The following ATP6V1H variants were observed in gnomAD, a reference collection of about 807,000 sequenced individuals.
ATP6V1H encodes the protein ATPase H+ transporting V1 subunit H, also known as V-type proton ATPase subunit H.
In ATP6V1H, 39 loss-of-function variants were observed where a neutral mutation model predicts 71.7. The observed-to-expected ratio is 0.54, with a 90% confidence interval of 0.42 to 0.71. The LOEUF is 0.71. ATP6V1H is among the 30% of genes least tolerant of loss of function. ATP6V1H has a pLI of 0.00. For missense variants in ATP6V1H, 509 were observed against 594.9 expected, an observed-to-expected ratio of 0.86 and a Z score of 1.50; for synonymous variants, 192 against 199.3, an observed-to-expected ratio of 0.96 and a Z score of 0.31.
intron 12 of ATP6V1H, among the ~76,000 whole-genome samples, chr8:53,748,052 G>A (rs1334750339): frequency 4.2e-4 from 64 of 152,028 alleles, no homozygotes; most frequent in Non-Finnish European, 7.4e-5. Context: ...CAGCTACTCA[G>A]GAGGCTGAGG....
intron 7 of ATP6V1H, chr8:53,806,977 G>T: frequency 2.6e-6 from 1 of 379,218 alleles, no homozygotes; most frequent in Non-Finnish European, 5.4e-6. Context: ...CGTAGGGCAG[G>T]GACTGTCTGT....
rs1811058915 is a variant in ATP6V1H at position 53,833,079 on chromosome 8, T to C, written c.121A>G (p.Met41Val). The C allele has an allele frequency of 6.2e-7, 1 of 1,612,438 alleles. No individual in the cohort carries two copies. The highest frequency in any genetic ancestry group is 8.5e-7 in the Non-Finnish European group (1 of 1,178,680). ...VNWQSYLQGQ[M>V]ISAEDCEFIQ... ...AACTCACAATCTTCAGCAGAAATCA[T>C]CTGTCCCCTAGAAAGTAAGAATAAG... The change falls in exon 3 of 14, where the codon ATG (methionine) becomes GTG (valine). Residue 41 changes from methionine to valine, a missense_variant. Physicochemically the swap from Met to Val is conservative, Grantham distance 21. Transcript: ENST00000359530.
intron 9 of ATP6V1H, among the ~76,000 whole-genome samples, chr8:53,781,825 A>G (rs1809146659): frequency 6.6e-6 from 1 of 152,010 alleles, no homozygotes; most frequent in African/African-American, 2.4e-5. Flanking sequence ...TGTTTTTGTC[A>G]GGTTTGTCAA....
In ATP6V1H at chr8:53,782,448, C is replaced by T. The variant is rs1021646042; in HGVS notation, c.871-10281G>A. Among the ~76,000 whole-genome samples the T allele has an allele frequency of 2.2e-3, 330 of 151,924 alleles. 1 individual carries two copies. The highest frequency in any genetic ancestry group is 6.3e-3 in the African/African-American group (260 of 41,422). Reference sequence around the variant, plus strand: ...AGCTTAAGGAGATTTTGGGCTGAGACAATGGGGTTTTCTAGATATACAATC... The same window carrying T: ...AGCTTAAGGAGATTTTGGGCTGAGATAATGGGGTTTTCTAGATATACAATC... On this transcript the variant is annotated intron_variant, in intron 9 of 13. Coordinates refer to ENST00000359530, the MANE Select transcript of ATP6V1H (RefSeq NM_015941.4).
At chr8:53,769,501 G>T in intron 11 of ATP6V1H, 117 bp downstream of exon 11, 1 of 1,066,080 alleles carries the variant, frequency 9.4e-7, no homozygotes, top group Non-Finnish European at 1.3e-6. Context: ...ACATTAGTCA[G>T]CAAGAAAATA....
chr8:53,826,623 T>C (rs1352144957), intron 4 of ATP6V1H, among the ~76,000 whole-genome samples: 5 of 149,818 alleles, frequency 3.3e-5, no homozygotes, highest in African/African-American at 7.5e-5. Flanking sequence ...TGTCTGCCTG[T>C]CTATGTTCAC....
At chr8:53,833,199 C>T (rs1167741886) in intron 2 of ATP6V1H, 113 bp from the exon 3 acceptor site, 23 of 727,628 alleles carry the variant, frequency 3.2e-5, no homozygotes, top group South Asian at 2.6e-4. Context: ...CAAGGGCTGA[C>T]GCAAGGGCCC....
chr8:53,759,101 T>A (rs1260878363), intron 11 of ATP6V1H, among the ~76,000 whole-genome samples: 2 of 152,214 alleles, frequency 1.3e-5, no homozygotes, highest in African/African-American at 4.8e-5. Context: ...TGAATTAGAA[T>A]CTGCATTTTA....
At chr8:53,745,914 T>C (rs958544890) in intron 12 of ATP6V1H, among the ~76,000 whole-genome samples, 1 of 152,220 alleles carries the variant, frequency 6.6e-6, no homozygotes, top group Admixed American at 6.5e-5. Flanking sequence ...GCCTCTAGTA[T>C]TGACACAGCT....
intron 7 of ATP6V1H, among the ~76,000 whole-genome samples, chr8:53,810,719 G>A (rs900149946): frequency 6.6e-6 from 1 of 152,152 alleles, no homozygotes; most frequent in Non-Finnish European, 1.5e-5. Flanking sequence ...CAGCCTGGGG[G>A]ATAGAGCTAG....
Position 53,794,566 on chromosome 8 carries a change from G to A in ATP6V1H, c.870+1081C>T, listed in dbSNP as rs372904027. 1.2e-4 allele frequency among the ~76,000 whole-genome samples: 19 copies of A among 152,160 alleles called. No individual in the cohort carries two copies. In the South Asian group the frequency reaches 3.9e-3, roughly 32 times the overall value. ...TTTTTAGTAGGGACGGGGTTTCACT[G>A]TGTTGGCCAGGATGGTCTCGATCTC... is the stretch of plus-strand genomic sequence containing the variant. On this transcript the variant is annotated intron_variant, in intron 9 of 13. Transcript: ENST00000359530.
At chr8:53,799,968 T>A (rs1049470439) in intron 8 of ATP6V1H, among the ~76,000 whole-genome samples, 3 of 152,222 alleles carry the variant, frequency 2.0e-5, no homozygotes, top group Non-Finnish European at 4.4e-5. Flanking sequence ...CAGTATTTTG[T>A]TAAAGCAGCC....
chr8:53,743,738 TCA>T (rs755251595), intron 12 of ATP6V1H, 48 bp from the exon 13 acceptor site: 59 of 1,378,552 alleles, frequency 4.3e-5, no homozygotes, highest in South Asian at 2.0e-4. Flanking sequence ...ACTCTCAAAT[TCA>T]CAGTTTGTAA....
Position 53,743,695 on chromosome 8 carries a change from A to C in ATP6V1H, c.1278-5T>G. On this transcript the variant is annotated splice_polypyrimidine_tract_variant and splice_region_variant and intron_variant, in intron 12 of 13. Coordinates refer to ENST00000359530, the MANE Select transcript of ATP6V1H (RefSeq NM_015941.4). ...CCACCGAGCTGCTCGATGACCCTGC[A>C]AACGGGAGAGACGTGGTGAGGAAGA... The C allele has an allele frequency of 3.1e-6, 5 of 1,600,462 alleles. No homozygotes were observed. The highest frequency in any genetic ancestry group is 3.4e-6 in the Non-Finnish European group (4 of 1,169,756).
intron 4 of ATP6V1H, among the ~76,000 whole-genome samples, chr8:53,819,531 CA>C (rs1286824275): frequency 0.029 from 612 of 20,824 alleles, 13 homozygotes; most frequent in African/African-American, 0.048. Flanking sequence ...GAATCTATCT[CA>C]AAAAAAAAAA....
At chr8:53,755,687 TATATATATATA>T (rs1807991926) in intron 12 of ATP6V1H, among the ~76,000 whole-genome samples, 80 of 3,020 alleles carry the variant, frequency 0.026, 7 homozygotes, top group African/African-American at 0.033. Context: ...CCAGCGTACA[TATATATATATA>T]TATATATATA....
At position 53,812,276 on chromosome 8, in the gene ATP6V1H, C is replaced by T. The variant is rs150599168; in HGVS notation, c.526-1059G>A. Among the ~76,000 whole-genome samples, 341 of 152,194 alleles carry T rather than the reference C, an allele frequency of 2.2e-3. 2 individuals are homozygous for T. The highest frequency in any genetic ancestry group is 7.9e-3 in the African/African-American group (328 of 41,516). On this transcript the variant is annotated intron_variant, in intron 6 of 13. Coordinates refer to ENST00000359530, the MANE Select transcript of ATP6V1H (RefSeq NM_015941.4). ...CAGAAGGACCCGCAAAGCAGAGGCA[C>T]TGCACAATTTAAAGTCCACAACTTA...
At chr8:53,752,058 G>A (rs1807817508) in intron 12 of ATP6V1H, among the ~76,000 whole-genome samples, 1 of 152,128 alleles carries the variant, frequency 6.6e-6, no homozygotes, top group Admixed American at 6.5e-5. Context: ...TATCATTTAA[G>A]TTCCAAATAT....
intron 9 of ATP6V1H, among the ~76,000 whole-genome samples, chr8:53,780,150 C>T (rs1267834094): frequency 2.7e-5 from 4 of 146,096 alleles, no homozygotes; most frequent in Admixed American, 2.7e-4. Context: ...CAGGGTGAGA[C>T]TCCATCTCAA....
Sources: allele counts gnomAD v4.1 joint callset (sites outside exome capture counted in the v4.1 genomes callset), GRCh38; gene constraint gnomAD v4.1.1; transcripts MANE v1.5; gene names NCBI Gene and HGNC (gene_info 2026-07-23, HGNC 2026-07-21).